Variants in BMPR1A observed in about 807,000 individuals in gnomAD.
The protein encoded by BMPR1A is bone morphogenetic protein receptor type 1A.
Under a neutral mutation model 66.0 loss-of-function variants are expected in BMPR1A, and 7 were observed. That is an observed-to-expected ratio of 0.11 (90% confidence interval 0.06 to 0.20). The LOEUF is 0.20. BMPR1A is among the 10% of genes least tolerant of loss of function. The probability of loss-of-function intolerance (pLI) is 1.00; values close to 1 mark genes in which losing one functional copy is unlikely to be tolerated. For missense variants in BMPR1A, 408 were observed against 669.1 expected (o/e 0.61, Z 4.31); for synonymous variants, 200 against 229.7 (o/e 0.87, Z 1.17).
At chr10:86,900,210 A>G (rs1386026682) in intron 7 of BMPR1A, 84 bp downstream of exon 7, 4 of 1,289,550 alleles carry the variant, frequency 3.1e-6, no homozygotes, top group East Asian at 2.4e-5. Context: ...TGCAGAAACC[A>G]TTAACTTGTA....
chr10:86,880,095 A>G (rs1322785688), intron 3 of BMPR1A, among the ~76,000 whole-genome samples: 2 of 152,148 alleles, frequency 1.3e-5, no homozygotes, highest in African/African-American at 4.8e-5. Flanking sequence ...GATTACTGGA[A>G]ATTGTCCTAT....
chr10:86,891,562 A>G (rs1230206766), intron 4 of BMPR1A, among the ~76,000 whole-genome samples: 3 of 152,222 alleles, frequency 2.0e-5, no homozygotes, highest in Admixed American at 6.5e-5. Context: ...ACACTAAAAT[A>G]AGAATTTCAT....
chr10:86,833,192 G>A (rs189194258), intron 1 of BMPR1A, among the ~76,000 whole-genome samples: 219 of 152,280 alleles, frequency 1.4e-3, no homozygotes, highest in Admixed American at 3.8e-3. Flanking sequence ...ATGTATGCGG[G>A]TTCCAGCTTC....
chr10:86,893,118 T>C (rs1843176111), intron 5 of BMPR1A, among the ~76,000 whole-genome samples: 1 of 152,198 alleles, frequency 6.6e-6, no homozygotes, highest in Admixed American at 6.5e-5. Context: ...GTCACACTTA[T>C]TTGTAGATTA....
chr10:86,763,985 G>A (rs551152532), intron 1 of BMPR1A, among the ~76,000 whole-genome samples: 1 of 152,120 alleles, frequency 6.6e-6, no homozygotes, highest in African/African-American at 2.4e-5. Context: ...TAGAGACAGG[G>A]TTTCACCGTG....
chr10:86,879,921 T>C (rs1378012193), intron 3 of BMPR1A, among the ~76,000 whole-genome samples: 1 of 152,206 alleles, frequency 6.6e-6, no homozygotes, highest in Non-Finnish European at 1.5e-5. Context: ...TTAACCTGTT[T>C]GTCAGCCTCC....
intron 1 of BMPR1A, among the ~76,000 whole-genome samples, chr10:86,791,350 C>T (rs1026450353): frequency 6.6e-6 from 1 of 151,814 alleles, no homozygotes; most frequent in Admixed American, 6.6e-5. Flanking sequence ...GTAGCTGGGA[C>T]TACAGGCACG....
intron 7 of BMPR1A, among the ~76,000 whole-genome samples, chr10:86,911,371 T>C (rs1334850570): frequency 6.6e-6 from 1 of 152,082 alleles, no homozygotes; most frequent in Non-Finnish European, 1.5e-5. Flanking sequence ...CAACATTTGG[T>C]ATACAGATTA....
At chr10:86,903,901 C>T (rs188339883) in intron 7 of BMPR1A, among the ~76,000 whole-genome samples, 191 of 150,008 alleles carry the variant, frequency 1.3e-3, no homozygotes, top group African/African-American at 4.3e-3. Context: ...CCACCGTGCC[C>T]GGCCTATTAT....
At chr10:86,816,161 G>A (rs984348295) in intron 1 of BMPR1A, among the ~76,000 whole-genome samples, 2 of 152,088 alleles carry the variant, frequency 1.3e-5, no homozygotes, top group African/African-American at 2.4e-5. Flanking sequence ...GGCTACATGT[G>A]GCCATGAGCA....
chr10:86,891,181 G>A (rs1034049969), intron 4 of BMPR1A, among the ~76,000 whole-genome samples: 2 of 152,170 alleles, frequency 1.3e-5, no homozygotes, highest in African/African-American at 2.4e-5. Flanking sequence ...TGGGCTCTGC[G>A]TGGCTGACTG....
chr10:86,827,352 G>A (rs979413246), intron 1 of BMPR1A, among the ~76,000 whole-genome samples: 5 of 151,740 alleles, frequency 3.3e-5, no homozygotes, highest in Admixed American at 1.3e-4. Context: ...ATTGTTAGCC[G>A]AAGTTCATTA....
At chr10:86,898,770 T>C (rs1287798082) in intron 5 of BMPR1A, among the ~76,000 whole-genome samples, 1 of 152,208 alleles carries the variant, frequency 6.6e-6, no homozygotes, top group African/African-American at 2.4e-5. Context: ...CTTTCATTCA[T>C]CGTTAGTTAT....
At chr10:86,773,188 GT>G (rs11348647) in intron 1 of BMPR1A, among the ~76,000 whole-genome samples, 34,759 of 134,830 alleles carry the variant, frequency 0.26, 7,130 homozygotes, top group African/African-American at 0.58. Context: ...CCACTTTTAA[GT>G]TTTTTTTTTT....
At chr10:86,879,920 T>C (rs550400607) in intron 3 of BMPR1A, among the ~76,000 whole-genome samples, 1 of 152,312 alleles carries the variant, frequency 6.6e-6, no homozygotes, top group Non-Finnish European at 1.5e-5. Context: ...CTTAACCTGT[T>C]TGTCAGCCTC....
chr10:86,858,187 TTGA>T (rs1456764833), intron 2 of BMPR1A, among the ~76,000 whole-genome samples: 2 of 152,202 alleles, frequency 1.3e-5, no homozygotes, highest in Non-Finnish European at 2.9e-5. Context: ...GCAAAAGCAC[TTGA>T]TGAAATTTAA....
At chr10:86,871,518 A>C (rs1214293356) in intron 2 of BMPR1A, among the ~76,000 whole-genome samples, 1 of 152,200 alleles carries the variant, frequency 6.6e-6, no homozygotes, top group Non-Finnish European at 1.5e-5. Flanking sequence ...AACGTAGATT[A>C]TTTAGTCTAG....
At chr10:86,794,525 A>T (rs558785897) in intron 1 of BMPR1A, among the ~76,000 whole-genome samples, 1 of 152,334 alleles carries the variant, frequency 6.6e-6, no homozygotes, top group Non-Finnish European at 1.5e-5. Context: ...TGTGAAGATC[A>T]AATTAAGTCA....
At chr10:86,769,813 T>G (rs142616599) in intron 1 of BMPR1A, among the ~76,000 whole-genome samples, 1 of 152,334 alleles carries the variant, frequency 6.6e-6, no homozygotes, top group Non-Finnish European at 1.5e-5. Flanking sequence ...GCAGTATTAA[T>G]TACGCAGCAG....
Sources: gnomAD v4.1 joint callset for allele counts (sites outside exome capture counted in the v4.1 genomes callset) on GRCh38, gnomAD v4.1.1 for gene constraint, MANE v1.5 for transcripts, NCBI Gene and HGNC (gene_info 2026-07-23, HGNC 2026-07-21) for gene names.